SDK1: variants seen among roughly 807,000 people sequenced by gnomAD.
SDK1 encodes the protein sidekick cell adhesion molecule 1.
Under a neutral mutation model 245.5 loss-of-function variants are expected in SDK1, and 157 were observed. That is an observed-to-expected ratio of 0.64 (90% confidence interval 0.56 to 0.73). SDK1 has a LOEUF of 0.73. SDK1 is among the 30% of genes least tolerant of loss of function. SDK1 has a pLI of 0.00. For synonymous variants in SDK1, 1,647 were observed against 1,278.5 expected, an observed-to-expected ratio of 1.29 and a Z score of -6.15; for missense variants, 3,583 against 3,002.3, an observed-to-expected ratio of 1.19 and a Z score of -4.52.
intron 4 of SDK1, among the ~76,000 whole-genome samples, chr7:3,773,447 C>G (rs1001210429): frequency 6.6e-6 from 1 of 151,960 alleles, no homozygotes; most frequent in Non-Finnish European, 1.5e-5. Flanking sequence ...GTTTTCTTGG[C>G]TTTCTCCACA....
chr7:3,677,875 A>G (rs1416127628), intron 4 of SDK1, among the ~76,000 whole-genome samples: 1 of 152,206 alleles, frequency 6.6e-6, no homozygotes, highest in Non-Finnish European at 1.5e-5. Context: ...TGACAAGGGT[A>G]CAAAACTCCA....
intron 35 of SDK1, among the ~76,000 whole-genome samples, chr7:4,198,799 T>C (rs1783725307): frequency 6.8e-6 from 1 of 147,354 alleles, no homozygotes; most frequent in Non-Finnish European, 1.5e-5. Flanking sequence ...TCTTTTTCTT[T>C]CTTTTTTCTT....
intron 4 of SDK1, among the ~76,000 whole-genome samples, chr7:3,671,738 T>C (rs1202396028): frequency 1.5e-5 from 2 of 134,182 alleles, no homozygotes; most frequent in African/African-American, 5.3e-5. Context: ...ATGAAAAACC[T>C]AATGCATTTT....
chr7:3,641,668 G>T lies in SDK1; in HGVS notation c.566-290G>T, dbSNP rs150743258. 2.7e-3 allele frequency among the ~76,000 whole-genome samples: 411 copies of T among 152,346 alleles called. 3 individuals are homozygous for T. The highest frequency in any genetic ancestry group is 9.5e-3 in the African/African-American group (395 of 41,576). ...AGGATGGCTTCAGCATTTCATTTCA[G>T]TGTCACAGACAGTTGCAGACATTTC... On this transcript the variant is annotated intron_variant, in intron 3 of 44. Coordinates refer to ENST00000404826, the MANE Select transcript of SDK1 (RefSeq NM_152744.4).
chr7:3,469,166 T>TA (rs1470440598), intron 1 of SDK1, among the ~76,000 whole-genome samples: 1 of 152,194 alleles, frequency 6.6e-6, no homozygotes, highest in Non-Finnish European at 1.5e-5. Flanking sequence ...GACACACCTG[T>TA]AATCCCAGCA....
intron 13 of SDK1, among the ~76,000 whole-genome samples, chr7:3,978,484 C>T (rs1783142242): frequency 6.6e-6 from 1 of 152,164 alleles, no homozygotes; most frequent in African/African-American, 2.4e-5. Context: ...AATTTAAGTA[C>T]AAACTGGTTA....
At chr7:3,663,376 G>C (rs1783424211) in intron 4 of SDK1, among the ~76,000 whole-genome samples, 1 of 152,126 alleles carries the variant, frequency 6.6e-6, no homozygotes, top group African/African-American at 2.4e-5. Context: ...TTCCCTTCTG[G>C]TGTTTTTAAC....
chr7:3,591,335 G>A (rs1780868756), intron 1 of SDK1, among the ~76,000 whole-genome samples: 1 of 152,178 alleles, frequency 6.6e-6, no homozygotes, highest in African/African-American at 2.4e-5. Flanking sequence ...TGAGCCTGCA[G>A]GGCACAGCAT....
chr7:3,541,163 A>G (rs1779041645), intron 1 of SDK1, among the ~76,000 whole-genome samples: 1 of 152,244 alleles, frequency 6.6e-6, no homozygotes, highest in African/African-American at 2.4e-5. Context: ...AAGTATAACT[A>G]TATCCTGTCT....
At chr7:3,388,925 A>G (rs1781676498) in intron 1 of SDK1, among the ~76,000 whole-genome samples, 2 of 152,164 alleles carry the variant, frequency 1.3e-5, no homozygotes, top group South Asian at 4.1e-4. Context: ...TCAACAAGTA[A>G]ACAAATGAGA....
intron 17 of SDK1, among the ~76,000 whole-genome samples, chr7:4,020,320 T>TATC (rs1786785617): frequency 6.6e-6 from 1 of 152,140 alleles, no homozygotes; most frequent in Non-Finnish European, 1.5e-5. Flanking sequence ...CTGCACAGCC[T>TATC]TGATGCCTCA....
At chr7:3,469,095 T>C (rs1481507868) in intron 1 of SDK1, among the ~76,000 whole-genome samples, 2 of 152,182 alleles carry the variant, frequency 1.3e-5, no homozygotes, top group African/African-American at 4.8e-5. Context: ...CCAGAGTCTG[T>C]TGTGATTTGA....
chr7:3,782,821 A>G (rs1780785119), intron 4 of SDK1, among the ~76,000 whole-genome samples: 1 of 152,242 alleles, frequency 6.6e-6, no homozygotes, highest in Non-Finnish European at 1.5e-5. Flanking sequence ...GAAAAATTCT[A>G]AGTTGAACTT....
chr7:3,686,590 T>A (rs975436719), intron 4 of SDK1, among the ~76,000 whole-genome samples: 4 of 151,666 alleles, frequency 2.6e-5, no homozygotes, highest in Non-Finnish European at 1.5e-5. Flanking sequence ...TTCATAAATC[T>A]AAATATGCAG....
At chr7:3,937,958 C>T (rs891789153) in intron 5 of SDK1, among the ~76,000 whole-genome samples, 2 of 152,138 alleles carry the variant, frequency 1.3e-5, no homozygotes, top group African/African-American at 2.4e-5. Context: ...CTGTCTCAGC[C>T]TTCTGAGTAA....
At chr7:3,532,590 A>G (rs1294375298) in intron 1 of SDK1, among the ~76,000 whole-genome samples, 2 of 152,170 alleles carry the variant, frequency 1.3e-5, no homozygotes, top group African/African-American at 2.4e-5. Context: ...CTGCAAGTCT[A>G]GTGTTTTCCT....
In SDK1 at chr7:4,267,457, G is replaced by A. The variant is rs1788537360; in HGVS notation, c.*2073G>A. On this transcript the variant is annotated 3_prime_UTR_variant, in exon 45 of 45. Coordinates refer to ENST00000404826, the MANE Select transcript of SDK1 (RefSeq NM_152744.4). ...AATCGCAACCCACAGTTCCCCGGAT[G>A]AGACTCACCACAGTGGACAGTGCCA... 2.0e-6 allele frequency: 2 copies of A among 985,334 alleles called. No homozygotes were observed. Among genetic ancestry groups the A allele is most frequent in the Admixed American group, 6.2e-5 (1 of 16,260 alleles). The allele number at this position is 985,334 out of a possible 1,614,324, so 61.0% of individuals were successfully genotyped here.
At chr7:4,108,194 A>G (rs1783072916) in intron 22 of SDK1, among the ~76,000 whole-genome samples, 1 of 152,080 alleles carries the variant, frequency 6.6e-6, no homozygotes. Context: ...CCCTCTTCAC[A>G]GACGCGATGG....
At chr7:3,406,246 A>G (rs1418422353) in intron 1 of SDK1, among the ~76,000 whole-genome samples, 1 of 152,242 alleles carries the variant, frequency 6.6e-6, no homozygotes, top group Non-Finnish European at 1.5e-5. Context: ...CCCTTGGCAT[A>G]GAATTTGGAT....
Sources: allele counts gnomAD v4.1 joint callset (sites outside exome capture counted in the v4.1 genomes callset), GRCh38; gene constraint gnomAD v4.1.1; transcripts MANE v1.5; gene names NCBI Gene and HGNC (gene_info 2026-07-23, HGNC 2026-07-21).